PRRC2B: variants seen among roughly 807,000 people sequenced by gnomAD.
The protein encoded by PRRC2B is proline rich coiled-coil 2B, also known as protein PRRC2B.
Under a neutral mutation model 242.3 loss-of-function variants are expected in PRRC2B, and 68 were observed. The ratio of observed to expected loss-of-function variants is 0.28; its 90% CI spans 0.23 to 0.34. The LOEUF is 0.34. Among genes scored for constraint, PRRC2B ranks in the 10% least tolerant of loss-of-function variants. PRRC2B has a pLI of 1.00. For synonymous variants in PRRC2B, 1,228 were observed against 1,173.6 expected, an observed-to-expected ratio of 1.05 and a Z score of -0.95; for missense variants, 2,835 against 2,954.8, an observed-to-expected ratio of 0.96 and a Z score of 0.94.
rs369348487 is a variant in PRRC2B at position 131,494,368 on chromosome 9, G to A, written c.6474-37G>A. On this transcript the variant is annotated intron_variant, in intron 30 of 31. Coordinates refer to ENST00000683519, the MANE Select transcript of PRRC2B (RefSeq NM_013318.4). This position sits in a 1 kb window ranked among gnomAD's most constrained non-coding sequence, Gnocchi z 4.3. ...TTTGACTCCATTTCTGTGGTGACAC[G>A]TTGTGTATTCTCAACCCCTGCCTTT... 20 of 1,121,234 alleles carry A rather than the reference G, an allele frequency of 1.8e-5. No individual in the cohort carries two copies. The highest frequency in any genetic ancestry group is 7.7e-5 in the African/African-American group (5 of 64,524). The allele number at this position is 1,121,234 out of a possible 1,614,324, so 69.5% of individuals were successfully genotyped here.
chr9:131,467,681 C>G lies in PRRC2B; in HGVS notation c.1839C>G (p.Ser613=), dbSNP rs757678105. The G allele has an allele frequency of 1.9e-5, 31 of 1,613,856 alleles. No individual in the cohort carries two copies. Among genetic ancestry groups the G allele is most frequent in the Non-Finnish European group, 2.5e-5 (29 of 1,179,906 alleles). The stretch of plus-strand genomic sequence containing the variant: ...AGGAAGAGGCCAGAGAGGCTGGGTC[C>G]CCTGCACAGGAGTTCAAGTATCAGA... ...SSEEEAREAG[S]PAQEFKYQKS... The change falls in exon 13 of 32, where the codon TCC becomes TCG. Residue 613 remains serine, a synonymous_variant. Coordinates refer to ENST00000683519, the MANE Select transcript of PRRC2B (RefSeq NM_013318.4).
chr9:131,418,901 A>G (rs1226427454), intron 1 of PRRC2B, among the ~76,000 whole-genome samples: 1 of 152,246 alleles, frequency 6.6e-6, no homozygotes, highest in Non-Finnish European at 1.5e-5. Flanking sequence ...GATGATTAGT[A>G]TTGCAGCGTG....
chr9:131,460,791 G>A (rs957549874), intron 11 of PRRC2B, among the ~76,000 whole-genome samples: 2 of 152,134 alleles, frequency 1.3e-5, no homozygotes, highest in African/African-American at 4.8e-5. Context: ...TTTCCCGGAT[G>A]CATGACCTGT....
chr9:131,432,354 C>T (rs1838206250), intron 2 of PRRC2B, among the ~76,000 whole-genome samples: 1 of 152,146 alleles, frequency 6.6e-6, no homozygotes, highest in South Asian at 2.1e-4. Context: ...GTCTGCGAGC[C>T]TTGTCCTGCC....
chr9:131,436,773 A>C, intron 4 of PRRC2B, 51 bp downstream of exon 4: 1 of 1,453,780 alleles, frequency 6.9e-7, no homozygotes, highest in African/African-American at 1.4e-5. Flanking sequence ...GTAGCCCCTA[A>C]ATCTCTTTGT....
In PRRC2B at chr9:131,375,236, A is replaced by T. The variant is rs530892668; in HGVS notation, c.-56+1505A>T. ...ACCAACATAGTGAAACCCCGTCTCTACTAAAAATAAAAATTAGCCGGGCAT... is the reference window on the plus strand; with the variant it reads ...ACCAACATAGTGAAACCCCGTCTCTTCTAAAAATAAAAATTAGCCGGGCAT... On this transcript the variant is annotated intron_variant, in intron 1 of 1. Coordinates refer to the PRRC2B transcript ENST00000682525. 2.0e-5 allele frequency among the ~76,000 whole-genome samples: 3 copies of T among 152,212 alleles called. No homozygotes were observed. The East Asian group carries it at 5.8e-4, about 29-fold the overall frequency.
intron 10 of PRRC2B, among the ~76,000 whole-genome samples, chr9:131,457,396 C>A (rs796614929): frequency 6.6e-6 from 1 of 152,206 alleles, no homozygotes; most frequent in Non-Finnish European, 1.5e-5. Context: ...CCTGAAGGAA[C>A]TGGACATTGG....
At chr9:131,406,894 A>G (rs985644324) in intron 1 of PRRC2B, among the ~76,000 whole-genome samples, 1 of 152,232 alleles carries the variant, frequency 6.6e-6, no homozygotes, top group Non-Finnish European at 1.5e-5. Context: ...GTTTCTTTAT[A>G]ATATCAAGAG....
Position 131,495,864 on chromosome 9 carries a change from G to A in PRRC2B, c.6680G>A (p.Ser2227Asn), listed in dbSNP as rs1380930112. Residue 2227 changes from serine (S) to asparagine (N), a missense_variant, in exon 32 of 32, where the codon AGT (serine) becomes AAT (asparagine). Physicochemically the swap from Ser to Asn is conservative, Grantham distance 46 (BLOSUM62 1). Coordinates refer to ENST00000683519, the MANE Select transcript of PRRC2B (RefSeq NM_013318.4). The part of the protein sequence containing the change: ...IKPRAVKVEE[S>N]KA The stretch of plus-strand genomic sequence containing the variant: ...CCTCGGGCTGTCAAAGTGGAGGAGA[G>A]TAAGGCCTGACAGTGCCTGGCTGCC... The A allele has an allele frequency of 1.2e-6, 2 of 1,606,196 alleles. No individual in the cohort carries two copies.
chr9:131,450,445 T>G (rs1291769493), intron 9 of PRRC2B, among the ~76,000 whole-genome samples: 1 of 152,072 alleles, frequency 6.6e-6, no homozygotes, highest in Non-Finnish European at 1.5e-5. Flanking sequence ...TTTTGTATTT[T>G]TAGTAGAGAC....
At position 131,476,613 on chromosome 9, in the gene PRRC2B, G is replaced by GGC. The variant is rs1313853687; in HGVS notation, c.4406+78_4406+79insGC. The GGC allele has an allele frequency of 6.5e-5, 87 of 1,346,830 alleles. No homozygotes were observed. In the East Asian group the frequency reaches 2.0e-3, roughly 32 times the overall value. The allele number at this position is 1,346,830 out of a possible 1,614,324, so 83.4% of individuals were successfully genotyped here. A position where few individuals can be genotyped will look rare whatever the true frequency, so the allele number is the denominator to read the frequency against. On this transcript the variant is annotated intron_variant, in intron 16 of 31. Coordinates refer to ENST00000683519, the MANE Select transcript of PRRC2B (RefSeq NM_013318.4). ...AGCACTGAGTTCACGCATGCATGCCGATGCCGCCGTGTGTCGGGGCTGGGG... is the reference window on the plus strand; with the variant it reads ...AGCACTGAGTTCACGCATGCATGCCGGCATGCCGCCGTGTGTCGGGGCTGGGG...
At chr9:131,426,193 C>A (rs1837969688) in intron 1 of PRRC2B, among the ~76,000 whole-genome samples, 1 of 151,618 alleles carries the variant, frequency 6.6e-6, no homozygotes, top group African/African-American at 2.4e-5. Flanking sequence ...CAAAAATTAG[C>A]CAGGTTTGGT....
chr9:131,481,718 C>T lies in PRRC2B; in HGVS notation c.4901-8C>T, dbSNP rs1233306504. ...TGATGCCCTGACTCTGTCTTCCTCC[C>T]CTGGCAGCTCTCCCTGTGCAGGCCC... On this transcript the variant is annotated splice_polypyrimidine_tract_variant and splice_region_variant and intron_variant, in intron 19 of 31. Coordinates refer to ENST00000683519, the MANE Select transcript of PRRC2B (RefSeq NM_013318.4). The T allele has an allele frequency of 1.9e-6, 3 of 1,557,630 alleles. No individual in the cohort carries two copies. The highest frequency in any genetic ancestry group is 2.6e-6 in the Non-Finnish European group (3 of 1,150,876).
At chr9:131,474,378 C>G in intron 15 of PRRC2B, 76 bp from the exon 16 acceptor site, 2 of 1,243,576 alleles carry the variant, frequency 1.6e-6, no homozygotes, top group Non-Finnish European at 2.2e-6. Context: ...CTTTTTAAAA[C>G]TAAGCTCTGT....
rs1412534627 is a variant in PRRC2B, at chr9:131,474,957, A to C, written c.2828A>C (p.Lys943Thr). 1.9e-6 allele frequency: 3 copies of C among 1,597,294 alleles called. No homozygotes were observed. The highest frequency in any genetic ancestry group is 1.3e-5 in the African/African-American group (1 of 74,566). Reference sequence around the variant, plus strand: ...AGGACCCGGAGGTCGGGACCCATCAAGAAACCAGTCCTGAAAGCCCTCAAG... The same window carrying C: ...AGGACCCGGAGGTCGGGACCCATCACGAAACCAGTCCTGAAAGCCCTCAAG... ...TGRTRRSGPIKKPVLKALKVE... is the reference protein window; with the variant it reads ...TGRTRRSGPITKPVLKALKVE... Residue 943 changes from lysine to threonine, a missense_variant, in exon 16 of 32, where the codon AAG (lysine) becomes ACG (threonine). By Grantham distance (78) the Lys-to-Thr change is moderately conservative (BLOSUM62 -1). Coordinates refer to ENST00000683519, the MANE Select transcript of PRRC2B (RefSeq NM_013318.4).
Position 131,497,162 on chromosome 9 carries a change from T to C in PRRC2B, c.*1288T>C, listed in dbSNP as rs1033237951. 6.6e-6 allele frequency: 1 copy of C among 152,356 alleles called. No homozygotes were observed. Among genetic ancestry groups the C allele is most frequent in the African/African-American group, 2.4e-5 (1 of 41,454 alleles). The allele number at this position is 152,356 out of a possible 1,614,324, so 9.4% of individuals were successfully genotyped here. The stretch of plus-strand genomic sequence containing the variant: ...GTTGTCAGGACAGGAGGGCCTGAGC[T>C]AAGCAGTAGGCATCAGTCTCGTTTG... On this transcript the variant is annotated 3_prime_UTR_variant, in exon 32 of 32. Coordinates refer to ENST00000683519, the MANE Select transcript of PRRC2B (RefSeq NM_013318.4).
rs1235565089 is a variant in PRRC2B at position 131,387,271 on chromosome 9, G to C, written c.-56+13540G>C. ...CCGTCTCCGCCTCCCAAAGTGCTGGGATTACAGGCGTGAGCCACCGCGCCC... is the reference window on the plus strand; with the variant it reads ...CCGTCTCCGCCTCCCAAAGTGCTGGCATTACAGGCGTGAGCCACCGCGCCC... On this transcript the variant is annotated intron_variant, in intron 1 of 1. Coordinates refer to the PRRC2B transcript ENST00000682525. Among the ~76,000 whole-genome samples, 4 of 150,348 alleles carry C rather than the reference G, an allele frequency of 2.7e-5. 1 individual carries two copies. The South Asian group carries it at 6.3e-4, about 24-fold the overall frequency.
chr9:131,420,439 CTTT>C (rs556100751), intron 1 of PRRC2B, among the ~76,000 whole-genome samples: 1 of 110,966 alleles, frequency 9.0e-6, no homozygotes, highest in East Asian at 2.6e-4. Flanking sequence ...TTTCTTTTTT[CTTT>C]TTCTTTTTCT....
intron 1 of PRRC2B, among the ~76,000 whole-genome samples, chr9:131,376,866 G>T (rs984997716): frequency 1.3e-5 from 2 of 152,086 alleles, no homozygotes; most frequent in Non-Finnish European, 2.9e-5. Flanking sequence ...AATTAGCCAG[G>T]CATGGTGGTA....
Sources: gnomAD v4.1 joint callset for allele counts (sites outside exome capture counted in the v4.1 genomes callset) on GRCh38, gnomAD v4.1.1 for gene constraint, Gnocchi (gnomAD v3.1) non-coding constraint, MANE v1.5 for transcripts, NCBI Gene and HGNC (gene_info 2026-07-23, HGNC 2026-07-21) for gene names.